The following SZT2 variants were observed in gnomAD, a reference collection of about 807,000 sequenced individuals.
SZT2 encodes the protein KICSTOR complex protein SZT2.
A neutral mutation model predicts 404.2 loss-of-function variants in SZT2; 216 were observed. The observed-to-expected ratio is 0.53, with a 90% CI of 0.48 to 0.60. SZT2 has a LOEUF of 0.60. SZT2 is among the 20% of genes least tolerant of loss of function. SZT2 has a pLI of 0.00. For missense variants in SZT2, 3,857 were observed against 4,459.2 expected, an observed-to-expected ratio of 0.86 and a Z score of 3.85; for synonymous variants, 1,693 against 1,749.9, an observed-to-expected ratio of 0.97 and a Z score of 0.81.
Position 43,446,174 on chromosome 1 carries a change from T to G in SZT2, c.8917-5T>G, listed in dbSNP as rs1655646822. On this transcript the variant is annotated splice_polypyrimidine_tract_variant and splice_region_variant and intron_variant, in intron 63 of 71. Transcript: ENST00000634258. ...CAAACCTTGCCCCCTTTTTTGTTTC[T>G]TCAGAGCACTAGCTCTCCGGTAACC... The G allele has an allele frequency of 1.9e-6, 3 of 1,614,202 alleles. No individual in the cohort carries two copies. The East Asian group carries it at 6.7e-5, about 36-fold the overall frequency.
At chr1:43,411,670 A>G (rs1242215361) in intron 4 of SZT2, among the ~76,000 whole-genome samples, 1 of 151,964 alleles carries the variant, frequency 6.6e-6, no homozygotes, top group Non-Finnish European at 1.5e-5. Context: ...GTGGAAACCA[A>G]GTGAAATGAC....
rs898524717 is a variant in SZT2, at chr1:43,425,343, A to G, written c.2646-131A>G. 2.3e-5 allele frequency: 35 copies of G among 1,509,626 alleles called. 1 individual carries two copies. The highest frequency in any genetic ancestry group is 4.9e-5 in the South Asian group (4 of 81,122). The allele number at this position is 1,509,626 out of a possible 1,614,324, so 93.5% of individuals were successfully genotyped here. ...AGGGGGTGCGGTGTTTAGATGCTTC[A>G]TCAGGCAGACGCTGGTCTGGGAAGG... On this transcript the variant is annotated intron_variant, in intron 18 of 71. Transcript: ENST00000634258. The surrounding 1 kb of genome is among the most constrained non-coding windows in gnomAD (Gnocchi z 4.3).
chr1:43,427,844 G>A, intron 26 of SZT2, 110 bp downstream of exon 26: 1 of 1,404,050 alleles, frequency 7.1e-7, no homozygotes, highest in Non-Finnish European at 9.7e-7. Context: ...TATCCTGCTG[G>A]CTCCTTGCTT....
intron 1 of SZT2, chr1:43,393,974 A>G: frequency 1.9e-6 from 1 of 531,406 alleles, no homozygotes; most frequent in Non-Finnish European, 2.4e-6. Flanking sequence ...CTATATAGCA[A>G]ATGATAGAAT....
intron 40 of SZT2, among the ~76,000 whole-genome samples, chr1:43,433,718 T>C (rs891731419): frequency 1.3e-5 from 2 of 152,198 alleles, no homozygotes; most frequent in Non-Finnish European, 2.9e-5. Context: ...AGGTGGAGAT[T>C]GCAGTGAATG....
At position 43,453,625 on chromosome 1, in the gene SZT2, GC is replaced by G. The variant is rs1227148773; in HGVS notation, c.*3149del. The G allele has an allele frequency of 4.7e-6, 7 of 1,495,884 alleles. No homozygotes were observed. Among genetic ancestry groups the G allele is most frequent in the Non-Finnish European group, 6.2e-6 (7 of 1,128,368 alleles). 92.7% of individuals were successfully genotyped at this position (1,495,884 alleles called of 1,614,324 possible). A position where few individuals can be genotyped will look rare whatever the true frequency, so the allele number is the denominator to read the frequency against. The stretch of plus-strand genomic sequence containing the variant: ...GGCGTGTTGATCAGTACAAGCCGCA[GC>G]CCCGCTTCTCGCGCGGCGCGCGCCA... On this transcript the variant is annotated 3_prime_UTR_variant, in exon 72 of 72. Transcript: ENST00000634258.
intron 26 of SZT2, 63 bp downstream of exon 26, chr1:43,427,797 T>G: frequency 6.4e-7 from 1 of 1,562,600 alleles, no homozygotes; most frequent in South Asian, 1.2e-5. Flanking sequence ...AAGAAATAAG[T>G]ACACACTAAT....
At chr1:43,422,971 T>C (rs1189287397) in intron 14 of SZT2, 88 bp downstream of exon 14, 19 of 1,490,636 alleles carry the variant, frequency 1.3e-5, no homozygotes, top group Non-Finnish European at 1.7e-5. Flanking sequence ...CCAGGTCTAA[T>C]AGAGGGAGGA....
intron 1 of SZT2, among the ~76,000 whole-genome samples, chr1:43,398,878 G>A (rs1252140200): frequency 6.6e-6 from 1 of 152,024 alleles, no homozygotes; most frequent in African/African-American, 2.4e-5. Flanking sequence ...TCAGGAGTTC[G>A]AGACCAGCCT....
chr1:43,432,569 T>C lies in SZT2; in HGVS notation c.5495T>C (p.Val1832Ala), dbSNP rs533549955. Residue 1832 changes from valine to alanine, a missense_variant, in exon 38 of 72, where the codon GTC becomes GCC. Val to Ala is a moderately conservative substitution (Grantham distance 64, BLOSUM62 0). Transcript: ENST00000634258. ...GGGTCCCCAGAGGATTCTGAGGGTG[T>C]CCCCCTCATCAGCCTGCCCCGCGTG... Reference protein sequence around the residue: ...APGSPEDSEGVPLISLPRVPQ... With the variant: ...APGSPEDSEGAPLISLPRVPQ... 1.2e-6 allele frequency: 2 copies of C among 1,613,522 alleles called. No homozygotes were observed. Among genetic ancestry groups the C allele is most frequent in the South Asian group, 1.1e-5 (1 of 91,010 alleles).
Position 43,426,313 on chromosome 1 carries a change from G to T in SZT2, c.3044-55G>T. On this transcript the variant is annotated intron_variant, in intron 21 of 71. Transcript: ENST00000634258. The surrounding 1 kb of genome is among the most constrained non-coding windows in gnomAD (Gnocchi z 4.9). The stretch of plus-strand genomic sequence containing the variant: ...GGGGCCAGCTGGTCAGGGCTGAGCC[G>T]GGGGCACCGGGCAGCAGGAGGCTCT... The T allele has an allele frequency of 6.6e-7, 1 of 1,504,880 alleles. No individual in the cohort carries two copies. The highest frequency in any genetic ancestry group is 8.9e-7 in the Non-Finnish European group (1 of 1,125,588). 93.2% of individuals were successfully genotyped at this position (1,504,880 alleles called of 1,614,324 possible). A position where few individuals can be genotyped will look rare whatever the true frequency, so the allele number is the denominator to read the frequency against.
chr1:43,450,818 T>A lies in SZT2; in HGVS notation c.*338T>A, dbSNP rs748022004. ...TGGCAAACACCCCCTAGAGCTCCTC[T>A]GCCTGAATCCTGCCCCCTAGCCTTT... On this transcript the variant is annotated 3_prime_UTR_variant, in exon 72 of 72. Coordinates refer to ENST00000634258, the MANE Select transcript of SZT2 (RefSeq NM_001365999.1). The surrounding 1 kb of genome is among the most constrained non-coding windows in gnomAD (Gnocchi z 4.3). The A allele has an allele frequency of 1.4e-6, 1 of 706,274 alleles. No homozygotes were observed. Among genetic ancestry groups the A allele is most frequent in the East Asian group, 2.8e-5 (1 of 35,606 alleles). 43.8% of individuals were successfully genotyped at this position (706,274 alleles called of 1,614,324 possible).
chr1:43,391,673 A>G lies in SZT2; in HGVS notation c.27+1678A>G, dbSNP rs202040082. ...GATTAAAGTGAAAGGAGGTGGAGGGATGTTGTGGGGAAATGCAACATACCT... is the reference window on the plus strand; with the variant it reads ...GATTAAAGTGAAAGGAGGTGGAGGGGTGTTGTGGGGAAATGCAACATACCT... On this transcript the variant is annotated intron_variant, in intron 1 of 71. Transcript: ENST00000634258. 7.2e-5 allele frequency among the ~76,000 whole-genome samples: 11 copies of G among 152,364 alleles called. No individual in the cohort carries two copies. In the East Asian group the frequency reaches 1.3e-3, roughly 19 times the overall value.
intron 52 of SZT2, 107 bp downstream of exon 52, chr1:43,440,693 C>T: frequency 2.1e-6 from 3 of 1,400,818 alleles, no homozygotes; most frequent in Non-Finnish European, 2.8e-6. Flanking sequence ...CCACAGTGTC[C>T]TTTCATATAA....
chr1:43,431,712 G>A lies in SZT2; in HGVS notation c.5089-4G>A, dbSNP rs1323100517. On this transcript the variant is annotated splice_polypyrimidine_tract_variant and splice_region_variant and intron_variant, in intron 35 of 71. Coordinates refer to ENST00000634258, the MANE Select transcript of SZT2 (RefSeq NM_001365999.1). ...GCCCTTTGTCACTTGCTGTCTAACT[G>A]TAGATCCGCTGGTTGTTGGAAGATG... is the stretch of plus-strand genomic sequence containing the variant. The A allele has an allele frequency of 3.1e-6, 5 of 1,613,578 alleles. No homozygotes were observed. In the Admixed American group the frequency reaches 5.0e-5, roughly 16 times the overall value.
At chr1:43,407,923 C>T (rs1650526799) in intron 4 of SZT2, among the ~76,000 whole-genome samples, 3 of 149,154 alleles carry the variant, frequency 2.0e-5, no homozygotes, top group Admixed American at 2.0e-4. Context: ...ACCTCCACCT[C>T]CTGGGTTCAG....
At chr1:43,417,643 T>C (rs1232206734) in intron 7 of SZT2, among the ~76,000 whole-genome samples, 6 of 152,318 alleles carry the variant, frequency 3.9e-5, no homozygotes, top group East Asian at 3.9e-4. Context: ...AAAGTACTTA[T>C]CTCACTGGGA....
intron 51 of SZT2, 138 bp from the exon 52 acceptor site, chr1:43,440,315 A>G: frequency 7.5e-7 from 1 of 1,340,360 alleles, no homozygotes. Context: ...GCAGCAGCAC[A>G]CTATCAGTTG....
chr1:43,422,491 A>G lies in SZT2; in HGVS notation c.1781A>G (p.Lys594Arg). The G allele has an allele frequency of 1.0e-5, 16 of 1,589,114 alleles. No individual in the cohort carries two copies. The highest frequency in any genetic ancestry group is 1.3e-5 in the Non-Finnish European group (15 of 1,174,958). Reference protein sequence around the residue: ...LILEHDTPIPKHLHTPGSNGR... With the variant: ...LILEHDTPIPRHLHTPGSNGR... ...ACCCCTCTTCCTAGACCAATCCCCAAGCACTTGCACACCCCGGGCAGCAAT... is the reference window on the plus strand; with the variant it reads ...ACCCCTCTTCCTAGACCAATCCCCAGGCACTTGCACACCCCGGGCAGCAAT... The change falls in exon 13 of 72, where the codon AAG becomes AGG. Residue 594 changes from lysine (K) to arginine (R), a missense_variant. By Grantham distance (26) the Lys-to-Arg change is conservative (BLOSUM62 2). Coordinates refer to ENST00000634258, the MANE Select transcript of SZT2 (RefSeq NM_001365999.1).
Sources: gnomAD v4.1 joint callset for allele counts (sites outside exome capture counted in the v4.1 genomes callset) on GRCh38, gnomAD v4.1.1 for gene constraint, Gnocchi (gnomAD v3.1) non-coding constraint, MANE v1.5 for transcripts, NCBI Gene and HGNC (gene_info 2026-07-23, HGNC 2026-07-21) for gene names.